NAALADL2: variants seen among roughly 807,000 people sequenced by gnomAD.
NAALADL2 encodes inactive N-acetylated-alpha-linked acidic dipeptidase-like protein 2.
Under a neutral mutation model 87.2 loss-of-function variants are expected in NAALADL2, and 76 were observed. The observed-to-expected ratio is 0.87, with a 90% CI of 0.72 to 1.05. The LOEUF (loss-of-function observed/expected upper bound fraction) is 1.05, where lower values mean the gene tolerates loss of function less well. NAALADL2 is among the 50% of genes least tolerant of loss of function. NAALADL2 has a pLI of 0.00. For missense variants in NAALADL2, 1,089 were observed against 945.8 expected (o/e 1.15, Z -1.99); for synonymous variants, 354 against 331.0 (o/e 1.07, Z -0.75).
At chr3:175,798,211 A>G (rs1040869436) in intron 13 of NAALADL2, among the ~76,000 whole-genome samples, 1 of 152,036 alleles carries the variant, frequency 6.6e-6, no homozygotes, top group Non-Finnish European at 1.5e-5. Flanking sequence ...AGGTAATACA[A>G]TTTATCTGGG....
intron 2 of NAALADL2, among the ~76,000 whole-genome samples, chr3:175,198,366 C>A (rs1331002523): frequency 1.3e-5 from 2 of 151,782 alleles, no homozygotes; most frequent in Admixed American, 6.6e-5. Flanking sequence ...TACTTCATAC[C>A]TCTAACCTTT....
chr3:175,358,126 A>G (rs1415453311), intron 5 of NAALADL2, among the ~76,000 whole-genome samples: 1 of 152,202 alleles, frequency 6.6e-6, no homozygotes, highest in Non-Finnish European at 1.5e-5. Flanking sequence ...CATAAAGTTC[A>G]TAGAGCTAAG....
At chr3:174,808,590 A>G (rs1008392583) in intron 3 of NAALADL2, among the ~76,000 whole-genome samples, 7 of 152,186 alleles carry the variant, frequency 4.6e-5, no homozygotes, top group African/African-American at 1.7e-4. Context: ...CTGTTTGAAC[A>G]TGCTGAGATT....
intron 1 of NAALADL2, among the ~76,000 whole-genome samples, chr3:174,978,653 G>A (rs1050564819): frequency 6.6e-6 from 1 of 152,112 alleles, no homozygotes. Flanking sequence ...GAAAAACTTT[G>A]GAAGGTGAAT....
At chr3:174,610,005 T>A (rs1022402523) in intron 2 of NAALADL2, among the ~76,000 whole-genome samples, 2 of 151,988 alleles carry the variant, frequency 1.3e-5, no homozygotes, top group Non-Finnish European at 2.9e-5. Flanking sequence ...TCAGAAATAA[T>A]GCCGTATATC....
At chr3:174,452,043 A>C (rs931996618) in intron 1 of NAALADL2, among the ~76,000 whole-genome samples, 133 of 151,152 alleles carry the variant, frequency 8.8e-4, no homozygotes, top group African/African-American at 3.1e-3. Flanking sequence ...GGGTTTTGCT[A>C]TGTTGGTCAG....
At chr3:175,025,371 A>C (rs1752095405) in intron 1 of NAALADL2, among the ~76,000 whole-genome samples, 1 of 152,182 alleles carries the variant, frequency 6.6e-6, no homozygotes, top group African/African-American at 2.4e-5. Flanking sequence ...AATCACCTTT[A>C]AAGTCAATCA....
intron 5 of NAALADL2, among the ~76,000 whole-genome samples, chr3:175,438,811 C>T (rs986235598): frequency 6.6e-6 from 1 of 151,970 alleles, no homozygotes; most frequent in African/African-American, 2.4e-5. Flanking sequence ...AAACCAAGTG[C>T]TCTCTGACCA....
intron 1 of NAALADL2, among the ~76,000 whole-genome samples, chr3:174,870,961 CCTCACA>C (rs2109610771): frequency 6.6e-6 from 1 of 152,140 alleles, no homozygotes; most frequent in African/African-American, 2.4e-5. Flanking sequence ...TCCTACCTAC[CCTCACA>C]CTCTTATGAT....
intron 9 of NAALADL2, among the ~76,000 whole-genome samples, chr3:175,513,788 A>C (rs1731486167): frequency 6.6e-6 from 1 of 152,198 alleles, no homozygotes; most frequent in Non-Finnish European, 1.5e-5. Context: ...ATTAGTAGCC[A>C]ATACAGTTAT....
intron 5 of NAALADL2, among the ~76,000 whole-genome samples, chr3:175,384,486 T>C (rs9828331): frequency 0.21 from 32,010 of 151,898 alleles, 4,062 homozygotes; most frequent in East Asian, 0.49. Context: ...TGATTTAACT[T>C]TATCATTATA....
chr3:175,000,963 C>T (rs1357240201), intron 1 of NAALADL2, among the ~76,000 whole-genome samples: 1 of 152,134 alleles, frequency 6.6e-6, no homozygotes, highest in African/African-American at 2.4e-5. Context: ...CAGAAATGAC[C>T]TTTAAAACAC....
intron 3 of NAALADL2, among the ~76,000 whole-genome samples, chr3:174,762,880 T>C (rs1713221185): frequency 1.3e-5 from 2 of 152,222 alleles, no homozygotes. Flanking sequence ...AGAACTTTTT[T>C]ACAAAGATAT....
chr3:175,449,251 A>G (rs1238569624), intron 6 of NAALADL2, among the ~76,000 whole-genome samples: 1 of 151,892 alleles, frequency 6.6e-6, no homozygotes, highest in Non-Finnish European at 1.5e-5. Context: ...GCTAACTTTT[A>G]AATCTTGTTG....
chr3:174,811,818 C>A (rs112225254), intron 3 of NAALADL2, among the ~76,000 whole-genome samples: 9 of 152,160 alleles, frequency 5.9e-5, no homozygotes, highest in African/African-American at 2.2e-4. Context: ...GAATTATAAT[C>A]TCCAATGTTG....
Position 174,905,588 on chromosome 3 carries a change from T to G in NAALADL2, c.43+46138T>G, listed in dbSNP as rs192608887. 2.9e-3 allele frequency among the ~76,000 whole-genome samples: 442 copies of G among 152,166 alleles called. 5 individuals carry two copies. The highest frequency in any genetic ancestry group is 0.01 in the African/African-American group (427 of 41,536). On this transcript the variant is annotated intron_variant, in intron 1 of 13. Transcript: ENST00000454872. ...AAAATAAAAACATGTAACTCAAATA[T>G]GTAATTCTGTAATTCTTGCTTCATT...
chr3:174,661,662 T>C (rs961544750), intron 2 of NAALADL2, among the ~76,000 whole-genome samples: 1 of 152,228 alleles, frequency 6.6e-6, no homozygotes, highest in Admixed American at 6.5e-5. Flanking sequence ...GCTTTTAGTG[T>C]AACCATCACC....
At chr3:174,910,915 T>C (rs1213829502) in intron 1 of NAALADL2, among the ~76,000 whole-genome samples, 4 of 152,060 alleles carry the variant, frequency 2.6e-5, no homozygotes, top group African/African-American at 9.7e-5. Flanking sequence ...TGTGAATGCT[T>C]TCGCAAAACT....
At chr3:175,026,023 C>G (rs1752173787) in intron 1 of NAALADL2, among the ~76,000 whole-genome samples, 1 of 152,018 alleles carries the variant, frequency 6.6e-6, no homozygotes. Context: ...GTTGCCTAGG[C>G]TAGTCTCAAA....
Sources: gnomAD v4.1 joint callset for allele counts (sites outside exome capture counted in the v4.1 genomes callset) on GRCh38, gnomAD v4.1.1 for gene constraint, MANE v1.5 for transcripts, NCBI Gene and HGNC (gene_info 2026-07-23, HGNC 2026-07-21) for gene names.